Variants in IL1RAPL2 observed in about 807,000 individuals in gnomAD.
IL1RAPL2 encodes interleukin 1 receptor accessory protein like 2, also known as X-linked interleukin-1 receptor accessory protein-like 2.
A neutral mutation model predicts 44.1 loss-of-function variants in IL1RAPL2; 3 were observed. The observed-to-expected ratio is 0.07, with a 90% CI of 0.03 to 0.18. The LOEUF is 0.18. IL1RAPL2 is among the 10% of genes least tolerant of loss of function. The probability of loss-of-function intolerance (pLI) is 1.00; values close to 1 mark genes in which losing one functional copy is unlikely to be tolerated. For missense variants in IL1RAPL2, 391 were observed against 496.4 expected (o/e 0.79, Z 2.02); for synonymous variants, 181 against 178.8 (o/e 1.01, Z -0.10).
At chrX:104,749,115 G>A (rs766365437) in intron 2 of IL1RAPL2, among the ~76,000 whole-genome samples, 3 of 111,447 alleles carry the variant, frequency 2.7e-5, no homozygotes, top group African/African-American at 9.7e-5. Flanking sequence ...GTGGGTAGAA[G>A]ATATAGAGAA....
intron 2 of IL1RAPL2, among the ~76,000 whole-genome samples, chrX:104,829,105 C>T (rs1921541192): frequency 8.9e-6 from 1 of 111,822 alleles, no homozygotes; most frequent in South Asian, 3.8e-4. Flanking sequence ...CACTTGGCTC[C>T]CTGGCTTCAG....
chrX:104,823,517 G>A (rs1255802706), intron 2 of IL1RAPL2, among the ~76,000 whole-genome samples: 9 of 108,007 alleles, frequency 8.3e-5, no homozygotes, highest in Non-Finnish European at 1.5e-4. Flanking sequence ...CATTTGGGTT[G>A]GTTCCAAGTC....
intron 2 of IL1RAPL2, among the ~76,000 whole-genome samples, chrX:104,784,156 G>A (rs779818779): frequency 1.8e-5 from 2 of 112,157 alleles, no homozygotes; most frequent in East Asian, 2.8e-4. Flanking sequence ...AGATGCACAT[G>A]TATTTCTTGG....
intron 2 of IL1RAPL2, among the ~76,000 whole-genome samples, chrX:105,099,836 C>G (rs1431605523): frequency 9.1e-6 from 1 of 110,372 alleles, no homozygotes; most frequent in Non-Finnish European, 1.9e-5. Flanking sequence ...CCAAGCCATT[C>G]ATGAGGAATC....
chrX:104,810,279 G>A (rs1222954281), intron 2 of IL1RAPL2, among the ~76,000 whole-genome samples: 1 of 110,526 alleles, frequency 9.0e-6, no homozygotes, highest in East Asian at 2.8e-4. Context: ...TGAGGGGAAG[G>A]GGGAGGGATA....
At chrX:104,791,201 C>A (rs1242163187) in intron 2 of IL1RAPL2, among the ~76,000 whole-genome samples, 1 of 104,914 alleles carries the variant, frequency 9.5e-6, no homozygotes. Context: ...CTTCCCTGCC[C>A]TTCCCTTCCC....
intron 2 of IL1RAPL2, among the ~76,000 whole-genome samples, chrX:105,184,925 G>C (rs910437460): frequency 9.0e-6 from 1 of 111,715 alleles, no homozygotes; most frequent in Admixed American, 9.5e-5. Context: ...CAGTAGTAGT[G>C]GTAGCAGTAG....
intron 2 of IL1RAPL2, among the ~76,000 whole-genome samples, chrX:105,189,335 C>A (rs893872050): frequency 8.9e-6 from 1 of 112,023 alleles, no homozygotes; most frequent in African/African-American, 3.2e-5. Context: ...CTCTGCCTCC[C>A]GGTCCCAAGC....
intron 2 of IL1RAPL2, among the ~76,000 whole-genome samples, chrX:104,828,298 C>T (rs868683656): frequency 1.8e-5 from 2 of 111,629 alleles, no homozygotes; most frequent in Non-Finnish European, 3.8e-5. Flanking sequence ...TGGTGACCTT[C>T]GGATGGATTT....
chrX:105,704,467 T>C (rs1163539348), intron 6 of IL1RAPL2, among the ~76,000 whole-genome samples: 1 of 111,548 alleles, frequency 9.0e-6, no homozygotes, highest in Middle Eastern at 4.2e-3. Flanking sequence ...ATCAAGCAAA[T>C]TGCTTATATT....
At chrX:105,089,827 T>G in intron 2 of IL1RAPL2, among the ~76,000 whole-genome samples, 1 of 111,922 alleles carries the variant, frequency 8.9e-6, no homozygotes. Context: ...ATAAGAGGAC[T>G]CACTCTTGTT....
At chrX:105,436,233 CA>C (rs1237176776) in intron 5 of IL1RAPL2, among the ~76,000 whole-genome samples, 1 of 109,846 alleles carries the variant, frequency 9.1e-6, no homozygotes, top group Non-Finnish European at 1.9e-5. Flanking sequence ...CAGTGATTAC[CA>C]AGGGGTTAAG....
Position 105,177,723 on chromosome X carries a change from C to G in IL1RAPL2, c.83-17752C>G, listed in dbSNP as rs770464653. 4.5e-5 allele frequency among the ~76,000 whole-genome samples: 5 copies of G among 111,900 alleles called. No homozygotes were observed. In the East Asian group the frequency reaches 1.4e-3, roughly 31 times the overall value. ...TCCCAACCCTATCTGGCTCTACTCCCTCTTTTAAGTATAATTACAATTTTA... is the reference window on the plus strand; with the variant it reads ...TCCCAACCCTATCTGGCTCTACTCCGTCTTTTAAGTATAATTACAATTTTA... On this transcript the variant is annotated intron_variant, in intron 2 of 10. Transcript: ENST00000372582.
chrX:105,315,609 T>TATATATA (rs1216258132), intron 5 of IL1RAPL2, among the ~76,000 whole-genome samples: 77 of 69,756 alleles, frequency 1.1e-3, no homozygotes, highest in Non-Finnish European at 1.8e-3. Flanking sequence ...TATGGTTTTA[T>TATATATA]TAAGTATTAA....
chrX:105,136,174 G>A (rs971164383), intron 2 of IL1RAPL2, among the ~76,000 whole-genome samples: 15 of 111,746 alleles, frequency 1.3e-4, no homozygotes, highest in Non-Finnish European at 1.9e-4. Flanking sequence ...TTGAATATGC[G>A]TCTAGGTTAA....
intron 6 of IL1RAPL2, among the ~76,000 whole-genome samples, chrX:105,683,296 G>T (rs1011308234): frequency 1.8e-5 from 2 of 111,681 alleles, no homozygotes; most frequent in Non-Finnish European, 1.9e-5. Flanking sequence ...TCAAACTCAG[G>T]TATTATAAAG....
intron 8 of IL1RAPL2, among the ~76,000 whole-genome samples, chrX:105,748,289 G>A (rs1471568920): frequency 8.9e-6 from 1 of 112,234 alleles, no homozygotes; most frequent in Non-Finnish European, 1.9e-5. Flanking sequence ...GTAGGCTGGT[G>A]TTGGCTGAAG....
chrX:104,576,467 A>G (rs1306812642), intron 1 of IL1RAPL2, among the ~76,000 whole-genome samples: 1 of 111,905 alleles, frequency 8.9e-6, no homozygotes, highest in Non-Finnish European at 1.9e-5. Flanking sequence ...TTGTCTTTAT[A>G]TTCTTTTTTA....
intron 1 of IL1RAPL2, among the ~76,000 whole-genome samples, chrX:104,648,910 C>T (rs187093619): frequency 1.8e-5 from 2 of 111,331 alleles, no homozygotes; most frequent in African/African-American, 6.5e-5. Flanking sequence ...GTTACTTATG[C>T]CAGTTTTTTT....
Sources: gnomAD v4.1 joint callset for allele counts (sites outside exome capture counted in the v4.1 genomes callset) on GRCh38, gnomAD v4.1.1 for gene constraint, MANE v1.5 for transcripts, NCBI Gene and HGNC (gene_info 2026-07-23, HGNC 2026-07-21) for gene names.